Variants in MCOLN3 observed in about 807,000 individuals in gnomAD.
The protein encoded by MCOLN3 is mucolipin-3.
MCOLN3 carries 62 observed loss-of-function variants against 69.4 expected under a neutral mutation model. That is an observed-to-expected ratio of 0.89 (90% CI 0.73 to 1.10). The LOEUF (loss-of-function observed/expected upper bound fraction) is 1.10, where lower values mean the gene tolerates loss of function less well. Ranked by LOEUF, MCOLN3 falls within the 50% of genes least tolerant of loss-of-function variation. The probability of loss-of-function intolerance (pLI) is 0.00; values close to 1 mark genes in which losing one functional copy is unlikely to be tolerated. For missense variants in MCOLN3, 564 were observed against 656.4 expected, an observed-to-expected ratio of 0.86 and a Z score of 1.54; for synonymous variants, 183 against 217.0, an observed-to-expected ratio of 0.84 and a Z score of 1.38.
chr1:85,035,449 C>T (rs1473096011), intron 3 of MCOLN3, among the ~76,000 whole-genome samples: 4 of 152,208 alleles, frequency 2.6e-5, no homozygotes, highest in South Asian at 2.1e-4. Context: ...AGAGGAATCT[C>T]TAGTAAATGG....
At chr1:85,034,390 A>G (rs1652710326) in intron 3 of MCOLN3, 139 bp from the exon 4 acceptor site, 2 of 780,954 alleles carry the variant, frequency 2.6e-6, no homozygotes, top group South Asian at 1.8e-5. Context: ...AGGGTAAGTG[A>G]CTTGCTGCTG....
chr1:85,026,319 G>A (rs1485499558), intron 7 of MCOLN3, 35 bp from the exon 8 acceptor site: 11 of 1,307,864 alleles, frequency 8.4e-6, no homozygotes, highest in African/African-American at 4.4e-5. Flanking sequence ...TGCTTATGTA[G>A]TGGGACATTA....
chr1:85,030,705 A>C (rs1346892711), intron 6 of MCOLN3, among the ~76,000 whole-genome samples: 1 of 152,240 alleles, frequency 6.6e-6, no homozygotes, highest in Non-Finnish European at 1.5e-5. Context: ...TTAAAGTAAG[A>C]GATAAAGGAA....
intron 3 of MCOLN3, among the ~76,000 whole-genome samples, chr1:85,035,932 G>A (rs1652779544): frequency 1.3e-5 from 2 of 152,196 alleles, no homozygotes; most frequent in African/African-American, 4.8e-5. Context: ...GATAGACACA[G>A]GCTGCATGCT....
chr1:85,023,114 T>A (rs1344724596), intron 9 of MCOLN3: 2 of 136,752 alleles, frequency 1.5e-5, no homozygotes, highest in African/African-American at 2.7e-5. Flanking sequence ...GGGGTCTCAC[T>A]CTGTCACCCA....
At chr1:85,047,580 C>T (rs1487944879) in intron 1 of MCOLN3, 1 of 152,264 alleles carries the variant, frequency 6.6e-6, no homozygotes, top group Non-Finnish European at 1.5e-5. Flanking sequence ...GTTACCTGTT[C>T]CTGGCGGGCA....
At chr1:85,027,509 CTA>C (rs1329555041) in intron 7 of MCOLN3, among the ~76,000 whole-genome samples, 2 of 152,180 alleles carry the variant, frequency 1.3e-5, no homozygotes, top group Non-Finnish European at 2.9e-5. Flanking sequence ...GTCCATCACT[CTA>C]TGTCAGTGGT....
intron 6 of MCOLN3, among the ~76,000 whole-genome samples, chr1:85,031,653 AATAAT>A (rs1305688612): frequency 2.0e-5 from 3 of 152,348 alleles, no homozygotes; most frequent in African/African-American, 7.2e-5. Context: ...GCAGAAGGAA[AATAAT>A]ACCAGATACA....
chr1:85,019,382 A>G, intron 12 of MCOLN3, 125 bp from the exon 13 acceptor site: 1 of 882,926 alleles, frequency 1.1e-6, no homozygotes, highest in Non-Finnish European at 1.7e-6. Flanking sequence ...GTTACTCCTG[A>G]GTACCTGCAA....
intron 7 of MCOLN3, among the ~76,000 whole-genome samples, chr1:85,027,784 T>C (rs1383477637): frequency 6.6e-6 from 1 of 152,074 alleles, no homozygotes; most frequent in Non-Finnish European, 1.5e-5. Flanking sequence ...CTTATGGAGA[T>C]TTTGGAGAAT....
Position 85,032,801 on chromosome 1 carries a change from C to T in MCOLN3, c.636-9G>A, listed in dbSNP as rs369772238. The stretch of plus-strand genomic sequence containing the variant: ...GCTCCACTGTTAGGAGTCTAGAAAA[C>T]AGAGGTGATTTTAGTTCTGTGGCAA... On this transcript the variant is annotated splice_polypyrimidine_tract_variant and intron_variant, in intron 5 of 12. Transcript: ENST00000370589. 7 of 1,613,772 alleles carry T rather than the reference C, an allele frequency of 4.3e-6. No homozygotes were observed. The African/African-American group carries it at 9.3e-5, about 22-fold the overall frequency.
chr1:85,047,775 G>C (rs1354371554), intron 1 of MCOLN3, among the ~76,000 whole-genome samples: 1 of 152,176 alleles, frequency 6.6e-6, no homozygotes, highest in Non-Finnish European at 1.5e-5. Context: ...AAACAACAAG[G>C]GTTGACACTT....
chr1:85,030,114 G>A (rs562945404), intron 6 of MCOLN3, among the ~76,000 whole-genome samples: 12 of 152,310 alleles, frequency 7.9e-5, no homozygotes, highest in African/African-American at 2.9e-4. Flanking sequence ...GTCAGTGTCT[G>A]CCCATATCCC....
Position 85,021,154 on chromosome 1 carries a change from G to A in MCOLN3, c.1443C>T (p.Tyr481=), listed in dbSNP as rs1651911548. The part of the protein sequence containing the change: ...SYLVWLFSRI[Y]LYSFISLFIY... ...TAAAGAGGCTGATGAATGAGTAGAGGTAAATTCTACTAAACAGCCAGACTA... is the reference window on the plus strand; with the variant it reads ...TAAAGAGGCTGATGAATGAGTAGAGATAAATTCTACTAAACAGCCAGACTA... Residue 481 remains tyrosine (Y), a synonymous_variant, in exon 12 of 13, where the codon TAC becomes TAT. Transcript: ENST00000370589. 6.2e-7 allele frequency: 1 copy of A among 1,612,000 alleles called. No homozygotes were observed. Among genetic ancestry groups the A allele is most frequent in the Non-Finnish European group, 8.5e-7 (1 of 1,178,368 alleles).
intron 6 of MCOLN3, among the ~76,000 whole-genome samples, chr1:85,031,825 C>A (rs1357774772): frequency 6.6e-6 from 1 of 152,112 alleles, no homozygotes; most frequent in Non-Finnish European, 1.5e-5. Flanking sequence ...GTAATCCCAG[C>A]ACTTCGGGAG....
intron 6 of MCOLN3, among the ~76,000 whole-genome samples, chr1:85,032,101 A>AGG (rs1652561494): frequency 6.6e-6 from 1 of 151,642 alleles, no homozygotes; most frequent in African/African-American, 2.4e-5. Flanking sequence ...AGAGAGAGAG[A>AGG]GAGATTAATA....
rs760481384 is a variant in MCOLN3, at chr1:85,041,190, A to C, written c.229-13T>G. The C allele has an allele frequency of 2.5e-6, 4 of 1,608,908 alleles. No individual in the cohort carries two copies. In the South Asian group the frequency reaches 4.4e-5, roughly 18 times the overall value. On this transcript the variant is annotated splice_polypyrimidine_tract_variant and intron_variant, in intron 2 of 12. Transcript: ENST00000370589. Reference sequence around the variant, plus strand: ...CAAATAAGACCAGCTTAAAAGAAAAAAAAGAAAAGGTAAGAGGGTGGAAAA... The same window carrying C: ...CAAATAAGACCAGCTTAAAAGAAAACAAAGAAAAGGTAAGAGGGTGGAAAA...
intron 6 of MCOLN3, chr1:85,029,745 A>T (rs1652408876): frequency 6.6e-6 from 1 of 152,372 alleles, no homozygotes; most frequent in African/African-American, 2.4e-5. Flanking sequence ...ACAGGGAGTC[A>T]ACAGTCACAT....
intron 1 of MCOLN3, chr1:85,047,621 T>C (rs1653431376): frequency 6.6e-6 from 1 of 152,242 alleles, no homozygotes; most frequent in Admixed American, 6.5e-5. Flanking sequence ...TGTAGAAAAT[T>C]GGAGAAAGCC....
Sources: gnomAD v4.1 joint callset for allele counts (sites outside exome capture counted in the v4.1 genomes callset) on GRCh38, gnomAD v4.1.1 for gene constraint, MANE v1.5 for transcripts, NCBI Gene and HGNC (gene_info 2026-07-23, HGNC 2026-07-21) for gene names.